The following STPG2 variants were observed in gnomAD, a reference collection of about 807,000 sequenced individuals.
STPG2 encodes the protein sperm-tail PG-rich repeat-containing protein 2.
STPG2 carries 56 observed loss-of-function variants against 54.2 expected under a neutral mutation model. That is an observed-to-expected ratio of 1.03 (90% CI 0.83 to 1.29). The LOEUF is 1.29. Ranked by LOEUF, STPG2 falls within the 50% of genes most tolerant of loss-of-function variation. The probability of loss-of-function intolerance (pLI) is 0.00; values close to 1 mark genes in which losing one functional copy is unlikely to be tolerated. For synonymous variants in STPG2, 200 were observed against 181.8 expected, an observed-to-expected ratio of 1.10 and a Z score of -0.81; for missense variants, 596 against 544.9, an observed-to-expected ratio of 1.09 and a Z score of -0.93.
chr4:97,974,458 A>C (rs541627886), intron 6 of STPG2, among the ~76,000 whole-genome samples: 1 of 152,256 alleles, frequency 6.6e-6, no homozygotes, highest in African/African-American at 2.4e-5. Flanking sequence ...AGGACGTGAG[A>C]TTTGGGAGGG....
chr4:97,986,373 A>G (rs1181426270), intron 5 of STPG2, among the ~76,000 whole-genome samples: 3 of 152,218 alleles, frequency 2.0e-5, no homozygotes, highest in African/African-American at 7.2e-5. Context: ...AGATACCTTC[A>G]GTTCCTCTTA....
intron 5 of STPG2, among the ~76,000 whole-genome samples, chr4:98,009,829 C>T (rs1183515353): frequency 1.3e-5 from 2 of 151,944 alleles, no homozygotes; most frequent in East Asian, 3.9e-4. Context: ...ATTCATAGTT[C>T]AATCTCAGGG....
intron 9 of STPG2, among the ~76,000 whole-genome samples, chr4:97,753,202 A>G (rs1192291216): frequency 1.3e-5 from 2 of 152,018 alleles, no homozygotes; most frequent in African/African-American, 4.8e-5. Flanking sequence ...ATTATGCCCA[A>G]TAAAAATTAT....
chr4:97,525,797 G>A (rs147885501), intron 4 of STPG2, among the ~76,000 whole-genome samples: 194 of 151,870 alleles, frequency 1.3e-3, no homozygotes, highest in Non-Finnish European at 2.1e-3. Context: ...AATAGATCTC[G>A]TTGTGGTTTT....
chr4:97,998,909 T>C (rs979873335), intron 5 of STPG2, among the ~76,000 whole-genome samples: 1 of 152,212 alleles, frequency 6.6e-6, no homozygotes, highest in Non-Finnish European at 1.5e-5. Flanking sequence ...TGTCCTGTTA[T>C]GGCCTTAGAG....
In STPG2 at chr4:97,653,107, ATAGATAGG is replaced by A. The variant is rs777237664; in HGVS notation, c.1320+59584_1320+59591del. On this transcript the variant is annotated intron_variant, in intron 10 of 10. Transcript: ENST00000295268. Reference sequence around the variant, plus strand: ...TGATTGATAGATGATAGATAGATAGATAGATAGGTAGATAGATAGATAGATAGACAGAT... The same window carrying A: ...TGATTGATAGATGATAGATAGATAGATAGATAGATAGATAGATAGACAGAT... 7.8e-3 allele frequency among the ~76,000 whole-genome samples: 1,147 copies of A among 147,400 alleles called. 13 individuals carry two copies. The highest frequency in any genetic ancestry group is 0.012 in the African/African-American group (460 of 39,042).
intron 9 of STPG2, among the ~76,000 whole-genome samples, chr4:97,805,971 C>T (rs1727548353): frequency 6.6e-6 from 1 of 152,138 alleles, no homozygotes; most frequent in African/African-American, 2.4e-5. Flanking sequence ...AAAATTAGCA[C>T]TACCGTTTGA....
intron 10 of STPG2, among the ~76,000 whole-genome samples, chr4:97,661,277 C>A (rs1722370376): frequency 1.3e-5 from 2 of 152,052 alleles, no homozygotes; most frequent in Non-Finnish European, 2.9e-5. Context: ...CTAGAGATAC[C>A]TGGCTTTGCT....
intron 5 of STPG2, among the ~76,000 whole-genome samples, chr4:98,053,827 A>C (rs1737402381): frequency 6.6e-6 from 1 of 152,174 alleles, no homozygotes; most frequent in South Asian, 2.1e-4. Flanking sequence ...AAAATAAACA[A>C]AGATAGTTAT....
chr4:97,800,355 G>A (rs1727345284), intron 9 of STPG2, among the ~76,000 whole-genome samples: 1 of 152,160 alleles, frequency 6.6e-6, no homozygotes, highest in Non-Finnish European at 1.5e-5. Flanking sequence ...TACAAATGGG[G>A]TTTTGGTGTG....
At chr4:97,542,864 G>A (rs1731749739) in intron 4 of STPG2, among the ~76,000 whole-genome samples, 1 of 151,872 alleles carries the variant, frequency 6.6e-6, no homozygotes, top group Non-Finnish European at 1.5e-5. Flanking sequence ...GCAAACTAAA[G>A]GAAGCAAGAA....
intron 10 of STPG2, among the ~76,000 whole-genome samples, chr4:97,592,009 T>A (rs1463784139): frequency 1.3e-5 from 2 of 152,166 alleles, no homozygotes; most frequent in African/African-American, 4.8e-5. Flanking sequence ...ACTAAAAACA[T>A]GTGAATTGTA....
chr4:97,752,472 C>T (rs1262504292), intron 9 of STPG2, among the ~76,000 whole-genome samples: 2 of 151,744 alleles, frequency 1.3e-5, no homozygotes, highest in African/African-American at 4.8e-5. Flanking sequence ...TCACTTTAAT[C>T]TACCCTGTAT....
At chr4:97,629,558 C>CA (rs753289388) in intron 10 of STPG2, among the ~76,000 whole-genome samples, 58 of 151,364 alleles carry the variant, frequency 3.8e-4, no homozygotes, top group East Asian at 2.3e-3. Context: ...TATTACGTAA[C>CA]AAAAAAAATT....
intron 9 of STPG2, among the ~76,000 whole-genome samples, chr4:97,829,424 C>T (rs972673634): frequency 3.3e-5 from 5 of 151,968 alleles, no homozygotes; most frequent in East Asian, 1.9e-4. Flanking sequence ...GAGAAACCAG[C>T]GTAAAAAGGC....
intron 10 of STPG2, among the ~76,000 whole-genome samples, chr4:97,564,899 A>G (rs1732382154): frequency 6.6e-6 from 1 of 152,144 alleles, no homozygotes; most frequent in South Asian, 2.1e-4. Context: ...GGTGAATCTG[A>G]TAATTATGTG....
chr4:97,991,396 T>C (rs960267033), intron 5 of STPG2, among the ~76,000 whole-genome samples: 1 of 151,008 alleles, frequency 6.6e-6, no homozygotes, highest in African/African-American at 2.4e-5. Context: ...TGTGTATATA[T>C]ATGTGTATAT....
At chr4:97,699,456 C>A (rs1471335557) in intron 10 of STPG2, among the ~76,000 whole-genome samples, 2 of 152,218 alleles carry the variant, frequency 1.3e-5, no homozygotes. Context: ...CATCCACATA[C>A]CTCTTCCATA....
At chr4:97,748,769 T>C (rs1025952281) in intron 9 of STPG2, among the ~76,000 whole-genome samples, 5 of 151,572 alleles carry the variant, frequency 3.3e-5, no homozygotes, top group Non-Finnish European at 5.9e-5. Flanking sequence ...TGACACAAAA[T>C]AGTATTCTAA....
Sources: gnomAD v4.1 joint callset for allele counts (sites outside exome capture counted in the v4.1 genomes callset) on GRCh38, gnomAD v4.1.1 for gene constraint, MANE v1.5 for transcripts, NCBI Gene and HGNC (gene_info 2026-07-23, HGNC 2026-07-21) for gene names.